Variants in SNX29 observed in about 807,000 individuals in gnomAD.
SNX29 encodes the protein sorting nexin 29.
In SNX29, 78 loss-of-function variants were observed where a neutral mutation model predicts 102.1. The ratio of observed to expected loss-of-function variants is 0.76; its 90% CI spans 0.64 to 0.92. SNX29 has a LOEUF of 0.92. Among genes scored for constraint, SNX29 ranks in the 40% least tolerant of loss-of-function variants. The probability of loss-of-function intolerance (pLI) is 0.00; values close to 1 mark genes in which losing one functional copy is unlikely to be tolerated. For missense variants in SNX29, 1,280 were observed against 1,061.7 expected (o/e 1.21, Z -2.86); for synonymous variants, 580 against 414.5 (o/e 1.40, Z -4.85).
At chr16:12,547,224 G>T (rs2077662114) in intron 20 of SNX29, among the ~76,000 whole-genome samples, 1 of 152,212 alleles carries the variant, frequency 6.6e-6, no homozygotes, top group Non-Finnish European at 1.5e-5. Flanking sequence ...CCTGAGGCAG[G>T]GAGCCAGGCA....
intron 13 of SNX29, among the ~76,000 whole-genome samples, chr16:12,144,510 T>C (rs924831312): frequency 6.6e-5 from 10 of 152,220 alleles, no homozygotes; most frequent in African/African-American, 2.4e-4. Flanking sequence ...GTGCGATTCA[T>C]GCTGTTATAA....
chr16:12,030,048 G>A (rs1232898413), intron 4 of SNX29, among the ~76,000 whole-genome samples: 1 of 152,166 alleles, frequency 6.6e-6, no homozygotes, highest in Non-Finnish European at 1.5e-5. Flanking sequence ...CTGTCTGTTC[G>A]GCAGCCTTGG....
chr16:12,511,346 C>T (rs1247423862), intron 19 of SNX29, among the ~76,000 whole-genome samples: 1 of 152,202 alleles, frequency 6.6e-6, no homozygotes, highest in African/African-American at 2.4e-5. Context: ...CACTGAATCT[C>T]TTGGAGCCTC....
At chr16:12,210,171 G>A (rs945566427) in intron 14 of SNX29, among the ~76,000 whole-genome samples, 2 of 152,108 alleles carry the variant, frequency 1.3e-5, no homozygotes, top group African/African-American at 2.4e-5. Flanking sequence ...GGTTCAGGGT[G>A]TGTGTGTGTC....
intron 15 of SNX29, among the ~76,000 whole-genome samples, chr16:12,341,338 T>C (rs1022779752): frequency 6.6e-6 from 1 of 152,236 alleles, no homozygotes; most frequent in Admixed American, 6.5e-5. Context: ...GATATCATGA[T>C]ACCTACTTCC....
intron 16 of SNX29, among the ~76,000 whole-genome samples, chr16:12,359,272 G>A (rs1004143064): frequency 1.3e-5 from 2 of 152,298 alleles, no homozygotes; most frequent in South Asian, 2.1e-4. Flanking sequence ...CCAAGAAGTC[G>A]TCTTTGTTGA....
chr16:12,385,863 C>T (rs1043586964), intron 16 of SNX29, among the ~76,000 whole-genome samples: 2 of 152,196 alleles, frequency 1.3e-5, no homozygotes, highest in African/African-American at 2.4e-5. Flanking sequence ...GGACAACATT[C>T]TCTGGGACCA....
intron 3 of SNX29, among the ~76,000 whole-genome samples, chr16:12,023,445 G>A (rs2057090357): frequency 6.7e-6 from 1 of 149,946 alleles, no homozygotes; most frequent in Non-Finnish European, 1.5e-5. Context: ...GCGCATGGTA[G>A]TGCATGCCTG....
At chr16:12,240,078 T>C (rs1030242112) in intron 14 of SNX29, among the ~76,000 whole-genome samples, 2 of 152,254 alleles carry the variant, frequency 1.3e-5, no homozygotes, top group South Asian at 2.1e-4. Context: ...TTTGTGTCTT[T>C]AAATATTATC....
At chr16:12,561,186 T>C (rs956800344) in intron 20 of SNX29, 1 of 230,336 alleles carries the variant, frequency 4.3e-6, no homozygotes. Context: ...TGGCATGCTC[T>C]GATACTGCCC....
intron 18 of SNX29, among the ~76,000 whole-genome samples, chr16:12,438,256 G>A (rs180680583): frequency 2.6e-5 from 4 of 152,268 alleles, no homozygotes; most frequent in East Asian, 1.9e-4. Context: ...CACTGCAGGC[G>A]TCCCAGCCCC....
At chr16:12,094,461 C>T (rs531776979) in intron 11 of SNX29, among the ~76,000 whole-genome samples, 1 of 152,204 alleles carries the variant, frequency 6.6e-6, no homozygotes, top group Non-Finnish European at 1.5e-5. Flanking sequence ...ACCATCCCTC[C>T]TGCAGAGGCC....
intron 14 of SNX29, among the ~76,000 whole-genome samples, chr16:12,236,079 A>G (rs2077923364): frequency 6.6e-6 from 1 of 152,212 alleles, no homozygotes; most frequent in South Asian, 2.1e-4. Flanking sequence ...TTGCATAGAT[A>G]GCCCAGAACT....
intron 18 of SNX29, chr16:12,442,995 C>T (rs909637026): frequency 4.4e-6 from 2 of 455,858 alleles, no homozygotes; most frequent in South Asian, 3.1e-5. Context: ...TTTTTTCCAG[C>T]TATTTAAAAA....
intron 14 of SNX29, among the ~76,000 whole-genome samples, chr16:12,206,160 T>C (rs1461423624): frequency 1.3e-5 from 2 of 152,206 alleles, no homozygotes; most frequent in Non-Finnish European, 2.9e-5. Flanking sequence ...CTGCCCTGGT[T>C]GTGTCATTCA....
chr16:12,039,159 A>G (rs1010825065), intron 4 of SNX29, among the ~76,000 whole-genome samples: 20 of 152,362 alleles, frequency 1.3e-4, no homozygotes, highest in African/African-American at 4.8e-4. Flanking sequence ...CTGCTAACAC[A>G]AAAAGGAACC....
At chr16:12,376,602 G>A (rs1005745270) in intron 16 of SNX29, among the ~76,000 whole-genome samples, 8 of 151,616 alleles carry the variant, frequency 5.3e-5, no homozygotes, top group African/African-American at 1.2e-4. Context: ...TGGGCATGGC[G>A]GCTGGCACCT....
In SNX29 at chr16:12,546,364, G is replaced by A. The variant is rs145754481; in HGVS notation, c.2318+21523G>A. 663 of 152,276 alleles carry A rather than the reference G, an allele frequency of 4.4e-3. 1 individual carries two copies. The highest frequency in any genetic ancestry group is 6.2e-3 in the Non-Finnish European group (421 of 68,008). 9.4% of individuals were successfully genotyped at this position (152,276 alleles called of 1,614,324 possible). A position where few individuals can be genotyped will look rare whatever the true frequency, so the allele number is the denominator to read the frequency against. On this transcript the variant is annotated intron_variant, in intron 20 of 20. Coordinates refer to ENST00000566228, the MANE Select transcript of SNX29 (RefSeq NM_032167.5). ...ACTCACAGTTCCATGTGGCTGGGGA[G>A]GCCTCACAATCACCGTGGAAGGCAA...
intron 13 of SNX29, among the ~76,000 whole-genome samples, chr16:12,153,053 A>G (rs1307037384): frequency 6.6e-6 from 1 of 152,208 alleles, no homozygotes; most frequent in East Asian, 1.9e-4. Context: ...GTCTATTACT[A>G]TAGCTTTCTT....
Sources: allele counts gnomAD v4.1 joint callset (sites outside exome capture counted in the v4.1 genomes callset), GRCh38; gene constraint gnomAD v4.1.1; transcripts MANE v1.5; gene names NCBI Gene and HGNC (gene_info 2026-07-23, HGNC 2026-07-21).